Variants in FHL2 observed in about 807,000 individuals in gnomAD.
The protein encoded by FHL2 is four and a half LIM domains protein 2.
Under a neutral mutation model 32.7 loss-of-function variants are expected in FHL2, and 20 were observed. The ratio of observed to expected loss-of-function variants is 0.61; its 90% CI spans 0.43 to 0.89. The LOEUF (loss-of-function observed/expected upper bound fraction) is 0.89, where lower values mean the gene tolerates loss of function less well. Among genes scored for constraint, FHL2 ranks in the 40% least tolerant of loss-of-function variants. The pLI, the probability that FHL2 is intolerant of heterozygous loss-of-function variation, is 0.00. For missense variants in FHL2, 311 were observed against 358.6 expected (o/e 0.87, Z 1.07); for synonymous variants, 123 against 128.1 (o/e 0.96, Z 0.27).
At chr2:105,396,770 A>G (rs988964906) in intron 1 of FHL2, 73 bp from the exon 2 acceptor site, 3 of 1,249,852 alleles carry the variant, frequency 2.4e-6, no homozygotes, top group Admixed American at 1.8e-5. Context: ...GCAACTTGAG[A>G]TGGACACTTA....
At position 105,361,382 on chromosome 2, in the gene FHL2, G is replaced by A. The variant is rs1176385395; in HGVS notation, c.741C>T (p.Asp247=). ...GGGAGCACTTCTTACAGTTAAAGCA[G>A]TCGTTATGCCACTGCCGTTCCTCAA... is the stretch of plus-strand genomic sequence containing the variant. The part of the protein sequence containing the change: ...ISFEERQWHN[D]CFNCKKCSLS... The change falls in exon 7 of 7, where the codon GAC becomes GAT. Residue 247 remains aspartate (D), a synonymous_variant. Transcript: ENST00000530340. The A allele has an allele frequency of 6.2e-7, 1 of 1,614,132 alleles. No homozygotes were observed. Among genetic ancestry groups the A allele is most frequent in the East Asian group, 2.2e-5 (1 of 44,882 alleles).
intron 1 of FHL2, among the ~76,000 whole-genome samples, chr2:105,413,954 G>T (rs1184578778): frequency 6.6e-6 from 1 of 152,150 alleles, no homozygotes; most frequent in African/African-American, 2.4e-5. Flanking sequence ...AGATCCCACA[G>T]GATGAGGGCT....
At chr2:105,434,106 G>T (rs185018636) in intron 1 of FHL2, among the ~76,000 whole-genome samples, 20 of 152,262 alleles carry the variant, frequency 1.3e-4, no homozygotes, top group African/African-American at 4.8e-4. Context: ...GAGGCACCAC[G>T]TCCCTTTCTC....
chr2:105,414,222 G>A (rs1003159675), intron 1 of FHL2, among the ~76,000 whole-genome samples: 1 of 152,136 alleles, frequency 6.6e-6, no homozygotes, highest in Non-Finnish European at 1.5e-5. Flanking sequence ...CCTCCTTGGG[G>A]TCACCACCCT....
intron 1 of FHL2, among the ~76,000 whole-genome samples, chr2:105,415,805 C>T (rs1027804797): frequency 6.6e-6 from 1 of 152,158 alleles, no homozygotes; most frequent in African/African-American, 2.4e-5. Flanking sequence ...GCCCTAACCC[C>T]AAGTTAAGTA....
At chr2:105,412,758 G>T (rs1316546279) in intron 1 of FHL2, among the ~76,000 whole-genome samples, 2 of 152,306 alleles carry the variant, frequency 1.3e-5, no homozygotes, top group African/African-American at 4.8e-5. Flanking sequence ...AGAGGCGGGG[G>T]CAGTGAAGCC....
At chr2:105,402,249 A>G (rs1395621790), upstream of FHL2, among the ~76,000 whole-genome samples, 13 of 149,940 alleles carry the variant, frequency 8.7e-5, no homozygotes, top group African/African-American at 2.4e-4. Flanking sequence ...GTGTGTGTGT[A>G]TATATATATG....
intron 1 of FHL2, among the ~76,000 whole-genome samples, chr2:105,432,493 G>A (rs762626368): frequency 1.3e-5 from 2 of 152,054 alleles, no homozygotes; most frequent in Admixed American, 6.5e-5. Flanking sequence ...CTGCTTTTTC[G>A]GTTCCTAAAT....
chr2:105,433,182 CTTT>C (rs758782839), intron 1 of FHL2, among the ~76,000 whole-genome samples: 5 of 102,616 alleles, frequency 4.9e-5, no homozygotes, highest in Non-Finnish European at 8.0e-5. Context: ...TCTTCTTCTT[CTTT>C]TTTTTTTTTT....
intron 4 of FHL2, among the ~76,000 whole-genome samples, chr2:105,370,466 A>T (rs572878637): frequency 3.3e-5 from 5 of 152,126 alleles, no homozygotes; most frequent in African/African-American, 9.6e-5. Context: ...GCTGTGGTGC[A>T]TCTGTAAGCA....
chr2:105,402,281 C>T (rs1032453774), upstream of FHL2, among the ~76,000 whole-genome samples: 1 of 151,586 alleles, frequency 6.6e-6, no homozygotes, highest in African/African-American at 2.4e-5. Flanking sequence ...GAGTCTTGCT[C>T]TGTTGCCCAT....
intron 6 of FHL2, 90 bp downstream of exon 6, chr2:105,363,195 T>G: frequency 7.8e-7 from 1 of 1,284,550 alleles, no homozygotes; most frequent in South Asian, 1.4e-5. Context: ...TCTGGGGAGT[T>G]GAGGGATATA....
chr2:105,388,436 C>T (rs1682480059), intron 2 of FHL2, among the ~76,000 whole-genome samples: 1 of 152,026 alleles, frequency 6.6e-6, no homozygotes, highest in African/African-American at 2.4e-5. Flanking sequence ...TGTGGAGAAA[C>T]GGCCATAGGG....
At chr2:105,411,027 G>T (rs192681807) in intron 1 of FHL2, among the ~76,000 whole-genome samples, 17 of 152,272 alleles carry the variant, frequency 1.1e-4, no homozygotes, top group African/African-American at 4.1e-4. Context: ...TGAATCTACA[G>T]CTTGCTTATT....
intron 1 of FHL2, among the ~76,000 whole-genome samples, chr2:105,437,462 T>C (rs988700902): frequency 1.3e-5 from 2 of 152,142 alleles, no homozygotes; most frequent in Non-Finnish European, 2.9e-5. Flanking sequence ...AGCAATAAAA[T>C]AAAATTCAAA....
intron 1 of FHL2, among the ~76,000 whole-genome samples, chr2:105,427,870 A>C (rs971020884): frequency 6.6e-6 from 1 of 152,132 alleles, no homozygotes; most frequent in African/African-American, 2.4e-5. Flanking sequence ...TACTTATTAA[A>C]AGTGCTCTCA....
At chr2:105,426,517 C>T (rs1398808164) in intron 1 of FHL2, among the ~76,000 whole-genome samples, 3 of 152,168 alleles carry the variant, frequency 2.0e-5, no homozygotes, top group Non-Finnish European at 2.9e-5. Context: ...TTCTGCTCTG[C>T]ACCAGGGTCA....
At chr2:105,371,117 C>G (rs111412283) in intron 4 of FHL2, among the ~76,000 whole-genome samples, 1,641 of 152,220 alleles carry the variant, frequency 0.011, 21 homozygotes, top group African/African-American at 0.037. Flanking sequence ...CTTTCCCTCC[C>G]CAGTAAACAC....
upstream of FHL2, among the ~76,000 whole-genome samples, chr2:105,400,964 C>T (rs187080532): frequency 2.0e-5 from 3 of 151,448 alleles, no homozygotes; most frequent in East Asian, 3.9e-4. Flanking sequence ...TACCCAGTTT[C>T]TACAACAACG....
Sources: allele counts gnomAD v4.1 joint callset (sites outside exome capture counted in the v4.1 genomes callset), GRCh38; gene constraint gnomAD v4.1.1; transcripts MANE v1.5; gene names NCBI Gene and HGNC (gene_info 2026-07-23, HGNC 2026-07-21).